CD36: variants seen among roughly 807,000 people sequenced by gnomAD.
CD36 encodes the protein CD36 molecule (CD36 blood group).
Under a neutral mutation model 55.2 loss-of-function variants are expected in CD36, and 119 were observed. The ratio of observed to expected loss-of-function variants is 2.15; its 90% CI spans 1.86 to 2.51. The LOEUF (loss-of-function observed/expected upper bound fraction) is 2.51, where lower values mean the gene tolerates loss of function less well. Among genes scored for constraint, CD36 ranks in the 30% most tolerant of loss-of-function variants. CD36 has a pLI of 0.00. For synonymous variants in CD36, 186 were observed against 193.6 expected (o/e 0.96, Z 0.33); for missense variants, 819 against 555.5 (o/e 1.47, Z -4.77).
intron 1 of CD36, among the ~76,000 whole-genome samples, chr7:80,629,493 C>T (rs907787573): frequency 5.3e-5 from 8 of 151,990 alleles, no homozygotes; most frequent in Non-Finnish European, 1.0e-4. Context: ...AATAGCTCCA[C>T]ATCAACATAT....
Position 80,661,211 on chromosome 7 carries a change from G to A in CD36, c.429+1G>A, listed in dbSNP as rs114881528. The stretch of plus-strand genomic sequence containing the variant: ...CACAGTTCTCAATCTGGCTGTGGCA[G>A]TGAGTAGACAAACAACAAAGTTATC... On this transcript the variant is annotated splice_donor_variant, in intron 5 of 14. Transcript: ENST00000447544. LOFTEE classifies it high-confidence loss of function. The A allele has an allele frequency of 3.8e-5, 61 of 1,613,522 alleles. 1 individual carries two copies. The African/African-American group carries it at 7.5e-4, about 20-fold the overall frequency.
At chr7:80,668,404 C>T (rs3211928) in intron 8 of CD36, among the ~76,000 whole-genome samples, 3 of 151,804 alleles carry the variant, frequency 2.0e-5, no homozygotes. Flanking sequence ...ATGGCACTAG[C>T]GAAAAGAAAG....
chr7:80,638,652 T>C lies in CD36; in HGVS notation c.-278T>C, dbSNP rs1794594978. On this transcript the variant is annotated 5_prime_UTR_variant, in exon 1 of 15. Coordinates refer to ENST00000447544, the MANE Select transcript of CD36 (RefSeq NM_001001548.3). Reference sequence around the variant, plus strand: ...CGCATTTATGTACTGAGGACTGCAGTGTAGGACTTTCCTGCAGAATACCAT... The same window carrying C: ...CGCATTTATGTACTGAGGACTGCAGCGTAGGACTTTCCTGCAGAATACCAT... The C allele has an allele frequency of 6.6e-6, 1 of 151,706 alleles. No homozygotes were observed. Among genetic ancestry groups the C allele is most frequent in the Admixed American group, 6.6e-5 (1 of 15,162 alleles). The allele number at this position is 151,706 out of a possible 1,614,324, so 9.4% of individuals were successfully genotyped here.
At chr7:80,669,544 C>T (rs1418798260) in intron 8 of CD36, among the ~76,000 whole-genome samples, 2 of 152,032 alleles carry the variant, frequency 1.3e-5, no homozygotes, top group East Asian at 3.9e-4. Context: ...TATCCTGCCT[C>T]AGGATAGCTG....
intron 1 of CD36, among the ~76,000 whole-genome samples, chr7:80,644,779 T>C (rs1374750801): frequency 1.3e-5 from 2 of 152,204 alleles, no homozygotes; most frequent in Non-Finnish European, 2.9e-5. Flanking sequence ...TTTTTGACTG[T>C]AGCCTTCATT....
intron 7 of CD36, chr7:80,665,776 G>GAA (rs1797026177): frequency 6.6e-6 from 1 of 151,932 alleles, no homozygotes; most frequent in South Asian, 2.1e-4. Flanking sequence ...GTCAGGAGTG[G>GAA]AAAAAAAGTT....
chr7:80,659,946 T>C (rs921223011), intron 4 of CD36, among the ~76,000 whole-genome samples: 7 of 152,136 alleles, frequency 4.6e-5, no homozygotes, highest in Non-Finnish European at 8.8e-5. Flanking sequence ...ATTTGTTTAG[T>C]AAATACATTT....
upstream of CD36, among the ~76,000 whole-genome samples, chr7:80,635,628 T>C (rs1190512070): frequency 1.3e-5 from 2 of 152,056 alleles, no homozygotes; most frequent in East Asian, 3.9e-4. Flanking sequence ...ATCCTTCATA[T>C]TATCACTTTT....
At position 80,660,227 on chromosome 7, in the gene CD36, C is replaced by T. The variant is rs79566478; in HGVS notation, c.282-836C>T. Among the ~76,000 whole-genome samples the T allele has an allele frequency of 5.3e-5, 8 of 152,158 alleles. No homozygotes were observed. In the East Asian group the frequency reaches 1.2e-3, roughly 22 times the overall value. On this transcript the variant is annotated intron_variant, in intron 4 of 14. Transcript: ENST00000447544. ...TTCCTGTAATAATCACCCTTCACCG[C>T]GTTCCTAAAATGTAGTTGGTACTTT...
At position 80,670,992 on chromosome 7, in the gene CD36, AT is replaced by A. The variant is rs1483380806; in HGVS notation, c.837del (p.Phe279LeufsTer7). 7 of 1,612,824 alleles carry A rather than the reference AT, an allele frequency of 4.3e-6. No individual in the cohort carries two copies. The highest frequency in any genetic ancestry group is 3.3e-4 in the Middle Eastern group (2 of 6,056). ...CTGTATTTAGGTCAATCTATGCTGT[AT>A]TTGAATCCGACGTTAATCTGAAAGG... ...SDICRSIYAV[F>X]ESDVNLKGIP... On this transcript the variant is annotated frameshift_variant, in exon 10 of 15. Coordinates refer to ENST00000447544, the MANE Select transcript of CD36 (RefSeq NM_001001548.3). LOFTEE classifies it high-confidence loss of function.
chr7:80,670,184 T>C, intron 9 of CD36, 162 bp downstream of exon 9: 1 of 617,974 alleles, frequency 1.6e-6, no homozygotes, highest in Non-Finnish European at 2.8e-6. Flanking sequence ...TACAAATTTT[T>C]TTTTTTTTTG....
chr7:80,627,618 T>C (rs932072726), intron 1 of CD36, among the ~76,000 whole-genome samples: 1 of 151,938 alleles, frequency 6.6e-6, no homozygotes, highest in African/African-American at 2.4e-5. Context: ...AAAAAAAAAT[T>C]AGGTGGTAGA....
upstream of CD36, among the ~76,000 whole-genome samples, chr7:80,634,801 AT>A (rs74272977): frequency 0.01 from 1,542 of 150,000 alleles, 11 homozygotes; most frequent in Non-Finnish European, 0.016. Context: ...AAGAAAGTTT[AT>A]TTTTTTTTTA....
intron 1 of CD36, among the ~76,000 whole-genome samples, chr7:80,622,738 C>T (rs1425910013): frequency 6.6e-6 from 1 of 152,154 alleles, no homozygotes; most frequent in East Asian, 1.9e-4. Flanking sequence ...AACAAATGTG[C>T]ATTTCCTATT....
Position 80,663,112 on chromosome 7 carries a change from T to A in CD36, c.552T>A (p.Asp184Glu). The A allele has an allele frequency of 6.2e-7, 1 of 1,613,786 alleles. No individual in the cohort carries two copies. The highest frequency in any genetic ancestry group is 8.5e-7 in the Non-Finnish European group (1 of 1,179,802). ...GAGAACTGTTATGGGGCTATAGGGATCCATTTTTGAGTTTGGTTCCGTACC... is the reference window on the plus strand; with the variant it reads ...GAGAACTGTTATGGGGCTATAGGGAACCATTTTTGAGTTTGGTTCCGTACC... ...TLRELLWGYR[D>E]PFLSLVPYPV... The change falls in exon 6 of 15, where the codon GAT becomes GAA. Residue 184 changes from aspartate to glutamate, a missense_variant. By Grantham distance (45) the Asp-to-Glu change is conservative. Transcript: ENST00000447544.
intron 1 of CD36, among the ~76,000 whole-genome samples, chr7:80,616,447 G>A (rs1478082469): frequency 8.5e-6 from 1 of 117,946 alleles, no homozygotes; most frequent in Non-Finnish European, 1.7e-5. Flanking sequence ...GTGTGTGTGT[G>A]TGCCTGCACG....
At chr7:80,613,274 T>G (rs948908892) in intron 1 of CD36, among the ~76,000 whole-genome samples, 1 of 152,074 alleles carries the variant, frequency 6.6e-6, no homozygotes, top group African/African-American at 2.4e-5. Context: ...TATGTAAACT[T>G]AAGTTTCTCT....
upstream of CD36, among the ~76,000 whole-genome samples, chr7:80,636,655 T>C (rs769030560): frequency 2.0e-5 from 3 of 152,120 alleles, no homozygotes; most frequent in Non-Finnish European, 2.9e-5. Context: ...AAGCAAGGTA[T>C]ATGCTCACAT....
intron 5 of CD36, 94 bp from the exon 6 acceptor site, chr7:80,662,896 G>A: frequency 9.7e-7 from 1 of 1,032,204 alleles, no homozygotes; most frequent in East Asian, 2.6e-5. Context: ...GCTTTAAAAA[G>A]TTTTGTATTA....
Sources: gnomAD v4.1 joint callset for allele counts (sites outside exome capture counted in the v4.1 genomes callset) on GRCh38, gnomAD v4.1.1 for gene constraint, MANE v1.5 for transcripts, NCBI Gene and HGNC (gene_info 2026-07-23, HGNC 2026-07-21) for gene names.